ARFIP1: variants seen among roughly 807,000 people sequenced by gnomAD.
ARFIP1 encodes the protein ARF interacting protein 1.
Under a neutral mutation model 42.5 loss-of-function variants are expected in ARFIP1, and 24 were observed. The ratio of observed to expected loss-of-function variants is 0.57; its 90% CI spans 0.41 to 0.80. The LOEUF (loss-of-function observed/expected upper bound fraction) is 0.80, where lower values mean the gene tolerates loss of function less well. Ranked by LOEUF, ARFIP1 falls within the 30% of genes least tolerant of loss-of-function variation. The pLI is 0.00. For synonymous variants in ARFIP1, 141 were observed against 153.7 expected (o/e 0.92, Z 0.61); for missense variants, 354 against 434.0 (o/e 0.82, Z 1.64).
chr4:152,907,504 A>G (rs1265843284), intron 8 of ARFIP1, among the ~76,000 whole-genome samples: 2 of 152,144 alleles, frequency 1.3e-5, no homozygotes, highest in African/African-American at 4.8e-5. Flanking sequence ...TATCCTCTCT[A>G]CTGTCCTCCC....
intron 8 of ARFIP1, 37 bp from the exon 9 acceptor site, chr4:152,910,027 G>A: frequency 6.2e-7 from 1 of 1,602,594 alleles, no homozygotes; most frequent in Non-Finnish European, 8.5e-7. Flanking sequence ...TGTTATTGGT[G>A]TTAATGCTTG....
chr4:152,861,325 T>G (rs1733875771), intron 2 of ARFIP1, among the ~76,000 whole-genome samples: 1 of 152,216 alleles, frequency 6.6e-6, no homozygotes, highest in Admixed American at 6.5e-5. Context: ...CTATTCTTTA[T>G]AGCCACCTAT....
At chr4:152,780,260 G>A (rs973344628) in intron 1 of ARFIP1, 34 bp downstream of exon 1, 2 of 152,466 alleles carry the variant, frequency 1.3e-5, no homozygotes, top group African/African-American at 4.8e-5. Flanking sequence ...GGGAAAAGGC[G>A]GGGGAAAGAT....
At chr4:152,832,197 G>A (rs1731302007) in intron 2 of ARFIP1, among the ~76,000 whole-genome samples, 1 of 152,160 alleles carries the variant, frequency 6.6e-6, no homozygotes, top group Non-Finnish European at 1.5e-5. Context: ...GGACCAGCTG[G>A]CAACACCAGC....
chr4:152,891,413 A>G (rs1020133427), intron 8 of ARFIP1, among the ~76,000 whole-genome samples: 1 of 152,242 alleles, frequency 6.6e-6, no homozygotes, highest in East Asian at 1.9e-4. Context: ...TCTTTTAAGT[A>G]GTAATTGTCA....
At chr4:152,856,304 A>G (rs969127240) in intron 2 of ARFIP1, among the ~76,000 whole-genome samples, 1 of 152,076 alleles carries the variant, frequency 6.6e-6, no homozygotes, top group Non-Finnish European at 1.5e-5. Context: ...AGTTCCAAGG[A>G]TACATCTAAC....
At chr4:152,867,102 G>C (rs909126872) in intron 3 of ARFIP1, among the ~76,000 whole-genome samples, 3 of 152,100 alleles carry the variant, frequency 2.0e-5, no homozygotes, top group Non-Finnish European at 4.4e-5. Context: ...GTGGCGGCCG[G>C]GCAGAGGCTG....
At chr4:152,903,053 TTTAATTG>T (rs1368782145) in intron 8 of ARFIP1, among the ~76,000 whole-genome samples, 5 of 152,360 alleles carry the variant, frequency 3.3e-5, no homozygotes, top group African/African-American at 1.2e-4. Context: ...AATTATTCCC[TTTAATTG>T]GTAATTATTT....
chr4:152,789,080 CTTTTTTTTT>C (rs71598215), intron 1 of ARFIP1, among the ~76,000 whole-genome samples: 2 of 71,858 alleles, frequency 2.8e-5, no homozygotes, highest in Non-Finnish European at 2.6e-5. Context: ...AGAATACAGA[CTTTTTTTTT>C]TTTTTTTTTT....
At chr4:152,900,749 G>A (rs560538775) in intron 8 of ARFIP1, among the ~76,000 whole-genome samples, 3 of 152,252 alleles carry the variant, frequency 2.0e-5, no homozygotes, top group South Asian at 4.1e-4. Flanking sequence ...GCATAGAATG[G>A]TATATTTTTT....
At chr4:152,858,049 T>G (rs990648715) in intron 2 of ARFIP1, among the ~76,000 whole-genome samples, 2 of 152,160 alleles carry the variant, frequency 1.3e-5, no homozygotes, top group African/African-American at 4.8e-5. Flanking sequence ...TCCGCCACTT[T>G]GGGAGGCTGA....
rs983148973 is a variant in ARFIP1 at position 152,911,207 on chromosome 4, G to T, written c.*988G>T. The T allele has an allele frequency of 6.6e-6, 1 of 152,634 alleles. No individual in the cohort carries two copies. Among genetic ancestry groups the T allele is most frequent in the Admixed American group, 6.5e-5 (1 of 15,276 alleles). 9.5% of individuals were successfully genotyped at this position (152,634 alleles called of 1,614,324 possible). A position where few individuals can be genotyped will look rare whatever the true frequency, so the allele number is the denominator to read the frequency against. On this transcript the variant is annotated 3_prime_UTR_variant, in exon 9 of 9. Transcript: ENST00000353617. ...AAACCCCTGTTGGATAATGTTTGAT[G>T]TGTCTATTCCTTCCATGGAATGGAG...
chr4:152,851,771 C>T (rs1010527767), intron 2 of ARFIP1, among the ~76,000 whole-genome samples: 2 of 152,168 alleles, frequency 1.3e-5, no homozygotes, highest in Non-Finnish European at 2.9e-5. Context: ...AACAAATTTA[C>T]TGAACATTTT....
intron 8 of ARFIP1, among the ~76,000 whole-genome samples, chr4:152,899,709 A>G (rs902997359): frequency 5.3e-5 from 8 of 152,170 alleles, no homozygotes; most frequent in African/African-American, 1.7e-4. Flanking sequence ...TTTTGCCCCT[A>G]GAGGTGCTCC....
chr4:152,869,947 A>G (rs760048261), intron 3 of ARFIP1, among the ~76,000 whole-genome samples: 2 of 152,220 alleles, frequency 1.3e-5, no homozygotes, highest in Non-Finnish European at 2.9e-5. Flanking sequence ...TTGCAAAAGA[A>G]TAGATGCCTG....
At chr4:152,871,052 C>A (rs1162547156) in intron 4 of ARFIP1, among the ~76,000 whole-genome samples, 1 of 152,182 alleles carries the variant, frequency 6.6e-6, no homozygotes, top group Non-Finnish European at 1.5e-5. Flanking sequence ...GGCTGTATCT[C>A]ACACCTGAAA....
chr4:152,893,941 T>C (rs1737083911), intron 8 of ARFIP1, among the ~76,000 whole-genome samples: 1 of 152,024 alleles, frequency 6.6e-6, no homozygotes, highest in Admixed American at 6.6e-5. Context: ...TCTTTTCTAA[T>C]ATATTATTTA....
chr4:152,835,340 A>C (rs1233504010), intron 2 of ARFIP1, among the ~76,000 whole-genome samples: 1 of 152,188 alleles, frequency 6.6e-6, no homozygotes, highest in Non-Finnish European at 1.5e-5. Context: ...GCTGTTTAGA[A>C]ATTTCTTCTG....
At chr4:152,803,545 G>T (rs1728587109) in intron 1 of ARFIP1, among the ~76,000 whole-genome samples, 1 of 152,102 alleles carries the variant, frequency 6.6e-6, no homozygotes, top group African/African-American at 2.4e-5. Flanking sequence ...TGGGGAGGTG[G>T]TGTCAAAATC....
Sources: allele counts gnomAD v4.1 joint callset (sites outside exome capture counted in the v4.1 genomes callset), GRCh38; gene constraint gnomAD v4.1.1; transcripts MANE v1.5; gene names NCBI Gene and HGNC (gene_info 2026-07-23, HGNC 2026-07-21).